Variants in PTPRD observed in about 807,000 individuals in gnomAD.
PTPRD encodes the protein protein tyrosine phosphatase receptor type D, also known as receptor-type tyrosine-protein phosphatase delta.
In PTPRD, 34 loss-of-function variants were observed where a neutral mutation model predicts 214.5. That is an observed-to-expected ratio of 0.16 (90% confidence interval 0.12 to 0.21). The LOEUF is 0.21. Among genes scored for constraint, PTPRD ranks in the 10% least tolerant of loss-of-function variants. The probability of loss-of-function intolerance (pLI) is 1.00; values close to 1 mark genes in which losing one functional copy is unlikely to be tolerated. For missense variants in PTPRD, 2,545 were observed against 2,398.7 expected, an observed-to-expected ratio of 1.06 and a Z score of -1.27; for synonymous variants, 1,128 against 845.7, an observed-to-expected ratio of 1.33 and a Z score of -5.79.
intron 2 of PTPRD, among the ~76,000 whole-genome samples, chr9:10,607,893 T>C (rs2079885973): frequency 6.6e-6 from 1 of 151,982 alleles, no homozygotes; most frequent in African/African-American, 2.4e-5. Flanking sequence ...ATGAAACTAT[T>C]TTATTGATAA....
intron 10 of PTPRD, among the ~76,000 whole-genome samples, chr9:9,124,585 C>G (rs933728785): frequency 2.0e-5 from 3 of 152,084 alleles, no homozygotes; most frequent in African/African-American, 7.2e-5. Flanking sequence ...TAAAAAAATA[C>G]AAAGAACTAA....
At chr9:9,363,695 C>T (rs763628574) in intron 9 of PTPRD, among the ~76,000 whole-genome samples, 9 of 151,236 alleles carry the variant, frequency 6.0e-5, no homozygotes, top group Non-Finnish European at 8.9e-5. Context: ...TATTCAGCAG[C>T]CTTTCCTACA....
intron 10 of PTPRD, among the ~76,000 whole-genome samples, chr9:9,173,502 T>C (rs572750902): frequency 1.3e-5 from 2 of 152,200 alleles, no homozygotes; most frequent in Middle Eastern, 3.4e-3. Context: ...AACTTACTAA[T>C]TATAGCCTAC....
At chr9:8,528,384 A>G in intron 15 of PTPRD, 1 of 629,754 alleles carries the variant, frequency 1.6e-6, no homozygotes, top group Admixed American at 3.0e-5. Context: ...AGAAGCTGCA[A>G]AACACACAGA....
At chr9:9,594,743 G>A (rs909119894) in intron 7 of PTPRD, among the ~76,000 whole-genome samples, 17 of 151,984 alleles carry the variant, frequency 1.1e-4, no homozygotes, top group African/African-American at 4.1e-4. Flanking sequence ...TCTAGCTTTG[G>A]CTATGTCGGC....
chr9:10,008,288 C>A (rs1305957754), intron 4 of PTPRD, among the ~76,000 whole-genome samples: 1 of 151,908 alleles, frequency 6.6e-6, no homozygotes. Flanking sequence ...AACCAGCCCT[C>A]TCAAAAGATT....
intron 10 of PTPRD, among the ~76,000 whole-genome samples, chr9:9,098,978 G>C (rs1413253529): frequency 1.3e-5 from 2 of 152,136 alleles, no homozygotes; most frequent in Non-Finnish European, 2.9e-5. Context: ...TTAGGTGACA[G>C]TGAAAAAGAA....
At chr9:9,806,110 T>C (rs1438831713) in intron 5 of PTPRD, among the ~76,000 whole-genome samples, 1 of 152,086 alleles carries the variant, frequency 6.6e-6, no homozygotes, top group South Asian at 2.1e-4. Flanking sequence ...AATTATAAGA[T>C]GCACGGGTCT....
chr9:9,062,524 C>G (rs1485346111), intron 10 of PTPRD, among the ~76,000 whole-genome samples: 1 of 151,348 alleles, frequency 6.6e-6, no homozygotes, highest in Non-Finnish European at 1.5e-5. Flanking sequence ...TTTTCTCTAT[C>G]TATCTTTTCT....
At chr9:8,831,479 C>G (rs536834396) in intron 11 of PTPRD, among the ~76,000 whole-genome samples, 1 of 152,260 alleles carries the variant, frequency 6.6e-6, no homozygotes, top group Non-Finnish European at 1.5e-5. Context: ...AGAGACCAGA[C>G]TACACATTAT....
chr9:8,713,909 T>C (rs2098400552), intron 12 of PTPRD: 3 of 780,430 alleles, frequency 3.8e-6, no homozygotes, highest in Non-Finnish European at 4.1e-6. Context: ...AAAAAAAAAA[T>C]CTTTATCCAC....
chr9:10,317,054 A>G (rs1417512101), intron 3 of PTPRD, among the ~76,000 whole-genome samples: 1 of 152,014 alleles, frequency 6.6e-6, no homozygotes, highest in African/African-American at 2.4e-5. Flanking sequence ...TTGCTAATAC[A>G]TTGTTTAGAA....
At chr9:10,325,060 G>A (rs1317161173) in intron 3 of PTPRD, among the ~76,000 whole-genome samples, 1 of 151,996 alleles carries the variant, frequency 6.6e-6, no homozygotes, top group East Asian at 1.9e-4. Flanking sequence ...CTCAGGTCCA[G>A]GTGGCTCTAG....
At chr9:10,421,007 G>A (rs530411571) in intron 2 of PTPRD, among the ~76,000 whole-genome samples, 44 of 151,720 alleles carry the variant, frequency 2.9e-4, no homozygotes, top group African/African-American at 1.0e-3. Context: ...GGGCCACATT[G>A]GAAGACAAAG....
At chr9:9,612,576 T>G (rs912895841) in intron 7 of PTPRD, among the ~76,000 whole-genome samples, 4 of 152,176 alleles carry the variant, frequency 2.6e-5, no homozygotes, top group Non-Finnish European at 5.9e-5. Flanking sequence ...CTTTCTTTCC[T>G]TCCACTTCAA....
intron 9 of PTPRD, among the ~76,000 whole-genome samples, chr9:9,322,367 G>A (rs762556639): frequency 1.3e-5 from 2 of 152,092 alleles, no homozygotes; most frequent in African/African-American, 2.4e-5. Context: ...TTTCCTGTGA[G>A]AAGAGTATAT....
intron 35 of PTPRD, among the ~76,000 whole-genome samples, chr9:8,410,154 G>A (rs10815857): frequency 6.6e-6 from 1 of 152,106 alleles, no homozygotes; most frequent in Admixed American, 6.5e-5. Flanking sequence ...AAAAGACCAC[G>A]TTTGCATAGA....
At chr9:9,427,935 C>G (rs1317045607) in intron 8 of PTPRD, among the ~76,000 whole-genome samples, 4 of 152,184 alleles carry the variant, frequency 2.6e-5, no homozygotes, top group Non-Finnish European at 4.4e-5. Flanking sequence ...AAAGGAACAA[C>G]CGTTACCAGC....
intron 4 of PTPRD, among the ~76,000 whole-genome samples, chr9:9,951,479 CA>C (rs2093448677): frequency 6.6e-6 from 1 of 152,148 alleles, no homozygotes; most frequent in Admixed American, 6.5e-5. Context: ...TAGGGAGGGA[CA>C]CTTGAGCGGA....
Sources: gnomAD v4.1 joint callset for allele counts (sites outside exome capture counted in the v4.1 genomes callset) on GRCh38, gnomAD v4.1.1 for gene constraint, MANE v1.5 for transcripts, NCBI Gene and HGNC (gene_info 2026-07-23, HGNC 2026-07-21) for gene names.